ASPRV1: variants seen among roughly 807,000 people sequenced by gnomAD.
ASPRV1 encodes retroviral-like aspartic protease 1.
Under a neutral mutation model 11.0 loss-of-function variants are expected in ASPRV1, and 7 were observed. The ratio of observed to expected loss-of-function variants is 0.64; its 90% CI spans 0.36 to 1.20. The LOEUF (loss-of-function observed/expected upper bound fraction) is 1.20. Ranked by LOEUF, ASPRV1 falls within the 50% of genes most tolerant of loss-of-function variation. ASPRV1 has a pLI of 0.02. For synonymous variants in ASPRV1, 136 were observed against 138.4 expected (o/e 0.98, Z 0.12); for missense variants, 299 against 320.0 (o/e 0.93, Z 0.50).
At chr2:69,934,453 G>C in the ASPRV1 span, among the ~76,000 whole-genome samples, 1 of 152,100 alleles carries the variant, frequency 6.6e-6, no homozygotes, top group Non-Finnish European at 1.5e-5. Context: ...GCTTCATCCA[G>C]CCCTTCTCCC....
At chr2:69,980,051 G>A in the ASPRV1 span, among the ~76,000 whole-genome samples, 1 of 152,178 alleles carries the variant, frequency 6.6e-6, no homozygotes, top group African/African-American at 2.4e-5. Context: ...CCTCATTGTC[G>A]CTGGGTTCCA....
the ASPRV1 span, among the ~76,000 whole-genome samples, chr2:70,004,215 T>C: frequency 0.15 from 23,218 of 152,020 alleles, 2,748 homozygotes; most frequent in East Asian, 0.31. Context: ...AGGGACCAAC[T>C]CCAGATGGAG....
chr2:70,032,615 A>G, the ASPRV1 span, among the ~76,000 whole-genome samples: 2 of 152,156 alleles, frequency 1.3e-5, no homozygotes, highest in Non-Finnish European at 2.9e-5. Flanking sequence ...CCATGATTGC[A>G]CTACTGCACT....
At chr2:69,934,417 C>G in the ASPRV1 span, among the ~76,000 whole-genome samples, 1 of 152,218 alleles carries the variant, frequency 6.6e-6, no homozygotes, top group African/African-American at 2.4e-5. Context: ...CTCGTGCTCT[C>G]TCTTCAGTCA....
the ASPRV1 span, among the ~76,000 whole-genome samples, chr2:70,015,099 G>C: frequency 6.6e-6 from 1 of 152,104 alleles, no homozygotes; most frequent in Non-Finnish European, 1.5e-5. Context: ...ACACCCATTA[G>C]GTTGGATACT....
chr2:70,068,971 C>G, the ASPRV1 span: 1 of 133,144 alleles, frequency 7.5e-6, no homozygotes, highest in Non-Finnish European at 1.6e-5. Context: ...AAAAAAAAAG[C>G]CTTTCCTTCG....
At chr2:70,016,700 C>T in the ASPRV1 span, among the ~76,000 whole-genome samples, 6 of 151,900 alleles carry the variant, frequency 3.9e-5, no homozygotes, top group Non-Finnish European at 8.8e-5. Flanking sequence ...AAAAACTAGC[C>T]AGGCATGGTG....
the ASPRV1 span, among the ~76,000 whole-genome samples, chr2:69,946,982 G>T: frequency 2.6e-5 from 4 of 152,344 alleles, no homozygotes; most frequent in East Asian, 7.7e-4. Context: ...CCCATATGTT[G>T]CAAGTATCTC....
chr2:70,027,569 A>C, the ASPRV1 span, among the ~76,000 whole-genome samples: 1 of 152,190 alleles, frequency 6.6e-6, no homozygotes, highest in Non-Finnish European at 1.5e-5. Flanking sequence ...AAAAGAATGA[A>C]ATTCTGTCAT....
chr2:70,060,193 TA>T, the ASPRV1 span: 5 of 151,396 alleles, frequency 3.3e-5, no homozygotes, highest in Middle Eastern at 3.4e-3. Context: ...ATACAAAAAT[TA>T]GCTGGGTGTG....
the ASPRV1 span, among the ~76,000 whole-genome samples, chr2:69,986,733 C>A: frequency 6.6e-6 from 1 of 152,178 alleles, no homozygotes; most frequent in Non-Finnish European, 1.5e-5. Context: ...CCCTGCTGGG[C>A]CAGGTGTCAC....
At chr2:70,017,246 C>T in the ASPRV1 span, among the ~76,000 whole-genome samples, 1 of 152,208 alleles carries the variant, frequency 6.6e-6, no homozygotes, top group East Asian at 1.9e-4. Context: ...CCACCTCAGC[C>T]TCCCAAAGTG....
At chr2:69,966,727 G>C in the ASPRV1 span, among the ~76,000 whole-genome samples, 1 of 152,196 alleles carries the variant, frequency 6.6e-6, no homozygotes, top group Non-Finnish European at 1.5e-5. Context: ...AGGCAGCTTT[G>C]AACTAATCTG....
At chr2:70,012,342 G>A in the ASPRV1 span, 1 of 152,044 alleles carries the variant, frequency 6.6e-6, no homozygotes, top group Non-Finnish European at 1.5e-5. Flanking sequence ...TTTTAGTAGA[G>A]ACAGGGTTTT....
At chr2:69,973,347 A>C in the ASPRV1 span, among the ~76,000 whole-genome samples, 1 of 152,146 alleles carries the variant, frequency 6.6e-6, no homozygotes, top group African/African-American at 2.4e-5. Context: ...GCAAGAAAAA[A>C]GTGAAGCCAG....
At chr2:70,052,055 A>G in the ASPRV1 span, among the ~76,000 whole-genome samples, 1 of 152,178 alleles carries the variant, frequency 6.6e-6, no homozygotes, top group Non-Finnish European at 1.5e-5. Flanking sequence ...ACAATCTTTA[A>G]AAGAAAAATC....
At chr2:69,933,056 G>A in the ASPRV1 span, among the ~76,000 whole-genome samples, 144 of 151,852 alleles carry the variant, frequency 9.5e-4, 1 homozygote, top group African/African-American at 3.1e-3. Context: ...AAAATTAGCC[G>A]GACGTGGTGG....
chr2:69,990,927 T>C, the ASPRV1 span, among the ~76,000 whole-genome samples: 1 of 152,154 alleles, frequency 6.6e-6, no homozygotes, highest in Non-Finnish European at 1.5e-5. Flanking sequence ...AGAGGCCATC[T>C]TGAGACTGTG....
At chr2:69,946,501 A>C in the ASPRV1 span, among the ~76,000 whole-genome samples, 1 of 152,224 alleles carries the variant, frequency 6.6e-6, no homozygotes, top group Non-Finnish European at 1.5e-5. Context: ...AAAGTATGCA[A>C]ACAGCTTTTC....
Sources: allele counts gnomAD v4.1 joint callset (sites outside exome capture counted in the v4.1 genomes callset), GRCh38; gene constraint gnomAD v4.1.1; transcripts MANE v1.5; gene names NCBI Gene and HGNC (gene_info 2026-07-23, HGNC 2026-07-21).